Variants in SGCD observed in about 807,000 individuals in gnomAD.
The protein encoded by SGCD is delta-sarcoglycan.
In SGCD, 18 loss-of-function variants were observed where a neutral mutation model predicts 36.6. The ratio of observed to expected loss-of-function variants is 0.49; its 90% CI spans 0.34 to 0.73. SGCD has a LOEUF of 0.73. Among genes scored for constraint, SGCD ranks in the 30% least tolerant of loss-of-function variants. The probability of loss-of-function intolerance (pLI) is 0.01; values close to 1 mark genes in which losing one functional copy is unlikely to be tolerated. For missense variants in SGCD, 387 were observed against 346.7 expected (o/e 1.12, Z -0.92); for synonymous variants, 133 against 130.6 (o/e 1.02, Z -0.12).
Position 156,761,623 on chromosome 5 carries a change from T to C in SGCD, c.*2233T>C, listed in dbSNP as rs1416449805. On this transcript the variant is annotated 3_prime_UTR_variant, in exon 9 of 9. Transcript: ENST00000337851. ...TTGTGGCTAGATAGGTTAAGACAGG[T>C]GATTTTTTAAAGTAGACTGTCTTTG... The C allele has an allele frequency of 6.6e-6, 1 of 152,150 alleles. No homozygotes were observed. The highest frequency in any genetic ancestry group is 2.4e-5 in the African/African-American group (1 of 41,426). 9.4% of individuals were successfully genotyped at this position (152,150 alleles called of 1,614,324 possible). A position where few individuals can be genotyped will look rare whatever the true frequency, so the allele number is the denominator to read the frequency against.
intron 3 of SGCD, among the ~76,000 whole-genome samples, chr5:156,225,058 C>T (rs941270929): frequency 2.6e-5 from 4 of 152,004 alleles, no homozygotes; most frequent in South Asian, 4.1e-4. Flanking sequence ...GAAATAGAAA[C>T]GTGAATATCT....
chr5:156,220,571 T>A (rs1024615179), intron 3 of SGCD, among the ~76,000 whole-genome samples: 1 of 151,982 alleles, frequency 6.6e-6, no homozygotes, highest in African/African-American at 2.4e-5. Context: ...TAAGAGAAAA[T>A]CTCTCATGGC....
intron 4 of SGCD, among the ~76,000 whole-genome samples, chr5:156,515,840 C>T (rs564806581): frequency 5.9e-5 from 9 of 152,248 alleles, no homozygotes; most frequent in Non-Finnish European, 8.8e-5. Flanking sequence ...TGCTGGTGCC[C>T]TGGAGACTAG....
At chr5:156,131,729 G>T (rs1762329294) in intron 3 of SGCD, among the ~76,000 whole-genome samples, 1 of 152,198 alleles carries the variant, frequency 6.6e-6, no homozygotes, top group Non-Finnish European at 1.5e-5. Context: ...ATAGGAAATT[G>T]TGTTGAGGAA....
At chr5:156,547,635 G>T (rs986929179) in intron 4 of SGCD, among the ~76,000 whole-genome samples, 3 of 151,934 alleles carry the variant, frequency 2.0e-5, no homozygotes, top group Admixed American at 2.0e-4. Flanking sequence ...GTAGAGACAG[G>T]GTTTCACCAT....
intron 4 of SGCD, among the ~76,000 whole-genome samples, chr5:156,575,112 G>A (rs1759878639): frequency 6.6e-6 from 1 of 152,230 alleles, no homozygotes; most frequent in African/African-American, 2.4e-5. Context: ...AGTTTCTGCA[G>A]CAAAGAGTGG....
At chr5:156,544,686 G>A (rs748760129) in intron 4 of SGCD, among the ~76,000 whole-genome samples, 16 of 151,554 alleles carry the variant, frequency 1.1e-4, no homozygotes, top group East Asian at 3.9e-4. Context: ...GAGTTGTTTC[G>A]GCAAGAGGTA....
chr5:156,043,163 A>G (rs1258478458), intron 1 of SGCD, among the ~76,000 whole-genome samples: 1 of 152,186 alleles, frequency 6.6e-6, no homozygotes, highest in Non-Finnish European at 1.5e-5. Context: ...TTTTTGCTGA[A>G]CATAGAGCAG....
chr5:155,855,344 C>T, the SGCD span, among the ~76,000 whole-genome samples: 2 of 152,114 alleles, frequency 1.3e-5, no homozygotes, highest in Admixed American at 6.6e-5. Context: ...CTCCTTTTGC[C>T]CATGATGATA....
chr5:156,269,488 A>C (rs1287659783), intron 3 of SGCD, among the ~76,000 whole-genome samples: 6 of 143,672 alleles, frequency 4.2e-5, no homozygotes, highest in Admixed American at 1.4e-4. Flanking sequence ...AAAAAAAAAA[A>C]AAAAAAAAAA....
chr5:155,735,519 C>T, the SGCD span, among the ~76,000 whole-genome samples: 1 of 152,304 alleles, frequency 6.6e-6, no homozygotes, highest in Non-Finnish European at 1.5e-5. Context: ...TGCCTGAGGT[C>T]ATCCAGCAAG....
At chr5:156,386,767 T>C (rs1223107891) in intron 3 of SGCD, among the ~76,000 whole-genome samples, 1 of 152,246 alleles carries the variant, frequency 6.6e-6, no homozygotes, top group African/African-American at 2.4e-5. Context: ...GCACAAGTGT[T>C]GGCTTTTTTG....
At chr5:155,813,866 A>G in the SGCD span, among the ~76,000 whole-genome samples, 1 of 152,200 alleles carries the variant, frequency 6.6e-6, no homozygotes, top group South Asian at 2.1e-4. Context: ...TCCTACCACC[A>G]TTAAATCAGA....
rs1294710384 is a variant in SGCD at position 156,238,080 on chromosome 5, G to C, written c.-43-91454G>C. On this transcript the variant is annotated intron_variant, in intron 3 of 9. Coordinates refer to the SGCD transcript ENST00000517913. ...TTCCCACCTCCCTCCTGAGTAACTA[G>C]AACCACAAGTATGCACCACCACACC... 2.0e-5 allele frequency among the ~76,000 whole-genome samples: 3 copies of C among 151,594 alleles called. No homozygotes were observed. In the East Asian group the frequency reaches 5.9e-4, roughly 30 times the overall value.
chr5:156,297,787 T>TAAAA (rs1055372123), intron 3 of SGCD, among the ~76,000 whole-genome samples: 4 of 131,532 alleles, frequency 3.0e-5, no homozygotes, highest in East Asian at 2.0e-4. Context: ...TAAAGTATAA[T>TAAAA]AAAAAAATAA....
At chr5:155,830,437 C>A in the SGCD span, among the ~76,000 whole-genome samples, 2 of 152,148 alleles carry the variant, frequency 1.3e-5, no homozygotes, top group Non-Finnish European at 2.9e-5. Flanking sequence ...AAGCCTCTAT[C>A]TCCAAATGCA....
intron 3 of SGCD, among the ~76,000 whole-genome samples, chr5:156,132,578 T>C (rs28476569): frequency 0.047 from 6,969 of 149,552 alleles, 561 homozygotes; most frequent in African/African-American, 0.16. Context: ...ATGCCATTCT[T>C]CTGCCTCAGC....
At chr5:156,169,979 G>A (rs1013074540) in intron 3 of SGCD, among the ~76,000 whole-genome samples, 1 of 152,162 alleles carries the variant, frequency 6.6e-6, no homozygotes, top group Non-Finnish European at 1.5e-5. Context: ...GTGGTGTGAC[G>A]TGATCTGATT....
chr5:155,964,340 G>T (rs1757857553), intron 1 of SGCD, among the ~76,000 whole-genome samples: 1 of 151,680 alleles, frequency 6.6e-6, no homozygotes, highest in African/African-American at 2.4e-5. Context: ...TAATTCTTTA[G>T]CCTACTAACT....
Sources: allele counts gnomAD v4.1 joint callset (sites outside exome capture counted in the v4.1 genomes callset), GRCh38; gene constraint gnomAD v4.1.1; transcripts MANE v1.5; gene names NCBI Gene and HGNC (gene_info 2026-07-23, HGNC 2026-07-21).